The following FAT3 variants were observed in gnomAD, a reference collection of about 807,000 sequenced individuals.
FAT3 encodes protocadherin Fat 3.
Under a neutral mutation model 310.2 loss-of-function variants are expected in FAT3, and 95 were observed. The ratio of observed to expected loss-of-function variants is 0.31; its 90% CI spans 0.26 to 0.36. The LOEUF (loss-of-function observed/expected upper bound fraction) is 0.36, where lower values mean the gene tolerates loss of function less well. Ranked by LOEUF, FAT3 falls within the 10% of genes least tolerant of loss-of-function variation. The pLI, the probability that FAT3 is intolerant of heterozygous loss-of-function variation, is 1.00. For missense variants in FAT3, 5,408 were observed against 5,715.6 expected (o/e 0.95, Z 1.74); for synonymous variants, 2,314 against 2,192.9 (o/e 1.06, Z -1.54).
intron 2 of FAT3, among the ~76,000 whole-genome samples, chr11:92,504,834 TTCAATAG>T: frequency 6.6e-6 from 1 of 152,138 alleles, no homozygotes; most frequent in Non-Finnish European, 1.5e-5. Flanking sequence ...AAAACACTCA[TTCAATAG>T]TCAGACATAG....
intron 6 of FAT3, 42 bp from the exon 7 acceptor site, chr11:92,773,999 G>A (rs1219479818): frequency 1.2e-6 from 2 of 1,607,290 alleles, no homozygotes; most frequent in Non-Finnish European, 1.7e-6. Flanking sequence ...CATGTAACAA[G>A]TTATCAGATT....
intron 22 of FAT3, among the ~76,000 whole-genome samples, chr11:92,874,351 A>G (rs534973803): frequency 1.6e-4 from 24 of 152,192 alleles, no homozygotes; most frequent in Non-Finnish European, 2.5e-4. Context: ...TTGGATTCCC[A>G]GAAGGAGTTT....
intron 3 of FAT3, among the ~76,000 whole-genome samples, chr11:92,619,934 A>G (rs1267097544): frequency 6.6e-6 from 1 of 151,866 alleles, no homozygotes; most frequent in Non-Finnish European, 1.5e-5. Flanking sequence ...TTTGGTTTTT[A>G]TAATACATTT....
chr11:92,455,403 T>C (rs532851450), intron 2 of FAT3, among the ~76,000 whole-genome samples: 6 of 152,280 alleles, frequency 3.9e-5, no homozygotes, highest in Admixed American at 3.9e-4. Context: ...CTGTTCACTA[T>C]TGTGCGGTGT....
At chr11:92,324,329 T>C (rs769015343) in intron 1 of FAT3, among the ~76,000 whole-genome samples, 22 of 152,344 alleles carry the variant, frequency 1.4e-4, no homozygotes, top group Admixed American at 5.9e-4. Context: ...AGCTTAATCA[T>C]TTCTAGCTTT....
chr11:92,340,252 G>GT, intron 1 of FAT3, among the ~76,000 whole-genome samples: 1 of 152,244 alleles, frequency 6.6e-6, no homozygotes, highest in East Asian at 1.9e-4. Flanking sequence ...ATTTGTGTAG[G>GT]TTTCAGCTAA....
intron 15 of FAT3, among the ~76,000 whole-genome samples, chr11:92,835,880 C>T (rs866740171): frequency 4.5e-4 from 68 of 152,156 alleles, no homozygotes; most frequent in African/African-American, 1.5e-3. Flanking sequence ...TTCTGTTAGA[C>T]CGCAAATTAC....
chr11:92,826,805 G>T (rs80169244), intron 13 of FAT3, among the ~76,000 whole-genome samples: 3 of 152,272 alleles, frequency 2.0e-5, no homozygotes, highest in South Asian at 4.1e-4. Flanking sequence ...GCTAGATCCC[G>T]TGCAGGCAAT....
intron 3 of FAT3, among the ~76,000 whole-genome samples, chr11:92,611,498 C>A (rs1471761294): frequency 1.3e-5 from 2 of 152,180 alleles, no homozygotes; most frequent in Non-Finnish European, 2.9e-5. Context: ...ACCTCCACCT[C>A]CCGGGTTCAA....
At chr11:92,435,387 T>C (rs1950902412) in intron 2 of FAT3, among the ~76,000 whole-genome samples, 1 of 152,044 alleles carries the variant, frequency 6.6e-6, no homozygotes, top group African/African-American at 2.4e-5. Flanking sequence ...CAGCTAGAGG[T>C]GATATGATAA....
At chr11:92,662,269 T>C (rs370789548) in intron 3 of FAT3, among the ~76,000 whole-genome samples, 4 of 152,180 alleles carry the variant, frequency 2.6e-5, no homozygotes, top group African/African-American at 9.6e-5. Context: ...CATGGAAGCA[T>C]AGAAGAAACT....
chr11:92,720,520 T>C (rs911434195), intron 4 of FAT3, among the ~76,000 whole-genome samples: 1 of 152,246 alleles, frequency 6.6e-6, no homozygotes, highest in Non-Finnish European at 1.5e-5. Context: ...TGTGCTTTCA[T>C]TGAAAAACAT....
intron 19 of FAT3, among the ~76,000 whole-genome samples, chr11:92,854,510 C>T (rs938228522): frequency 1.3e-5 from 2 of 152,300 alleles, no homozygotes; most frequent in Non-Finnish European, 2.9e-5. Context: ...GACAGGCTAT[C>T]GCTACCATCA....
intron 7 of FAT3, among the ~76,000 whole-genome samples, chr11:92,788,995 T>C (rs749270013): frequency 2.6e-5 from 4 of 152,172 alleles, no homozygotes; most frequent in Non-Finnish European, 4.4e-5. Context: ...GTTAAAAGAT[T>C]ATGAATATAT....
chr11:92,444,502 A>G (rs897733368), intron 2 of FAT3, among the ~76,000 whole-genome samples: 2 of 152,146 alleles, frequency 1.3e-5, no homozygotes, highest in African/African-American at 2.4e-5. Flanking sequence ...AGTGAGTGCT[A>G]TATAGAAATT....
chr11:92,576,869 G>T (rs778737077), intron 3 of FAT3, among the ~76,000 whole-genome samples: 3 of 150,968 alleles, frequency 2.0e-5, no homozygotes, highest in Non-Finnish European at 2.9e-5. Context: ...AAATATCAAT[G>T]TATAATCACA....
intron 4 of FAT3, among the ~76,000 whole-genome samples, chr11:92,704,609 G>T (rs1285252657): frequency 6.6e-6 from 1 of 152,128 alleles, no homozygotes; most frequent in Admixed American, 6.5e-5. Flanking sequence ...ACACAGATAT[G>T]TACAGAGGGA....
rs1947338169 is a variant in FAT3 at position 92,801,176 on chromosome 11, A to G, written c.8163A>G (p.Thr2721=). ...SQYSFTIAED[T]AIGSTVDTLR... Reference sequence around the variant, plus strand: ...ATTCCTTTACCATTGCAGAAGATACAGCCATTGGGAGTACAGTGGACACCC... The same window carrying G: ...ATTCCTTTACCATTGCAGAAGATACGGCCATTGGGAGTACAGTGGACACCC... Residue 2721 remains threonine (T), a synonymous_variant, in exon 10 of 28, where the codon ACA becomes ACG. Coordinates refer to ENST00000525166, the MANE Select transcript of FAT3 (RefSeq NM_001367949.2). 9 of 1,613,948 alleles carry G rather than the reference A, an allele frequency of 5.6e-6. No homozygotes were observed. The highest frequency in any genetic ancestry group is 1.3e-5 in the African/African-American group (1 of 75,038).
rs1953808019 is a variant in FAT3, at chr11:92,524,932, C to T, written c.3591C>T (p.Ala1197=). 6.2e-7 allele frequency: 1 copy of T among 1,613,312 alleles called. No homozygotes were observed. Among genetic ancestry groups the T allele is most frequent in the Non-Finnish European group, 8.5e-7 (1 of 1,179,612 alleles). Residue 1197 remains alanine, a synonymous_variant, in exon 3 of 28, where the codon GCC becomes GCT. Coordinates refer to ENST00000525166, the MANE Select transcript of FAT3 (RefSeq NM_001367949.2). ...ITSGNPQNFF[A]INIKTGLITT... ...GTGGAAATCCTCAGAATTTTTTTGC[C>T]ATCAATATCAAAACAGGTAAGGGAA...
Sources: gnomAD v4.1 joint callset for allele counts (sites outside exome capture counted in the v4.1 genomes callset) on GRCh38, gnomAD v4.1.1 for gene constraint, MANE v1.5 for transcripts, NCBI Gene and HGNC (gene_info 2026-07-23, HGNC 2026-07-21) for gene names.